The following PPP1R21 variants were observed in gnomAD, a reference collection of about 807,000 sequenced individuals.
The protein encoded by PPP1R21 is protein phosphatase 1 regulatory subunit 21.
PPP1R21 carries 85 observed loss-of-function variants against 112.8 expected under a neutral mutation model. The ratio of observed to expected loss-of-function variants is 0.75; its 90% CI spans 0.63 to 0.90. The LOEUF (loss-of-function observed/expected upper bound fraction) is 0.90, where lower values mean the gene tolerates loss of function less well. PPP1R21 is among the 40% of genes least tolerant of loss of function. PPP1R21 has a pLI of 0.00. For missense variants in PPP1R21, 1,199 were observed against 901.5 expected, an observed-to-expected ratio of 1.33 and a Z score of -4.23; for synonymous variants, 381 against 322.3, an observed-to-expected ratio of 1.18 and a Z score of -1.95.
At position 48,491,022 on chromosome 2, in the gene PPP1R21, C is replaced by T. The variant is rs780534548; in HGVS notation, c.1451C>T (p.Ala484Val). Residue 484 changes from alanine (A) to valine (V), a missense_variant, in exon 15 of 22, where the codon GCA (alanine) becomes GTA (valine). Transcript: ENST00000294952. ...TCCTTGTCATACTTTGTTTAGATTGCATCCTTCTTCAGCAACAATTTGGAC... is the reference window on the plus strand; with the variant it reads ...TCCTTGTCATACTTTGTTTAGATTGTATCCTTCTTCAGCAACAATTTGGAC... ...VALTNGAGKI[A>V]SFFSNNLDYF... 22 of 1,613,358 alleles carry T rather than the reference C, an allele frequency of 1.4e-5. No individual in the cohort carries two copies. The highest frequency in any genetic ancestry group is 1.3e-4 in the South Asian group (12 of 91,058).
chr2:48,504,356 C>G (rs930592401), intron 17 of PPP1R21, among the ~76,000 whole-genome samples: 3 of 152,098 alleles, frequency 2.0e-5, no homozygotes, highest in Admixed American at 1.3e-4. Flanking sequence ...TTAAAACTGT[C>G]TATTGACTGG....
At chr2:48,479,575 T>A (rs1210471603) in intron 12 of PPP1R21, 1 of 499,746 alleles carries the variant, frequency 2.0e-6, no homozygotes, top group African/African-American at 1.9e-5. Flanking sequence ...GTTTTAGCGA[T>A]GTTCAGCAAA....
intron 9 of PPP1R21, among the ~76,000 whole-genome samples, chr2:48,468,824 A>AT (rs1558454807): frequency 3.2e-4 from 22 of 67,722 alleles, no homozygotes; most frequent in South Asian, 6.6e-4. Flanking sequence ...CAAGAAAAAA[A>AT]ATGTATGTGT....
intron 17 of PPP1R21, among the ~76,000 whole-genome samples, chr2:48,502,995 A>C (rs1670195592): frequency 6.6e-6 from 1 of 152,204 alleles, no homozygotes; most frequent in Admixed American, 6.5e-5. Flanking sequence ...ACTTATTTCT[A>C]ACTCTGTAAC....
At chr2:48,451,281 A>G (rs1277809269) in intron 2 of PPP1R21, among the ~76,000 whole-genome samples, 1 of 152,250 alleles carries the variant, frequency 6.6e-6, no homozygotes, top group East Asian at 1.9e-4. Flanking sequence ...GCTAAAAATT[A>G]TAAAAAAAGG....
chr2:48,467,349 A>T (rs1054157294), intron 9 of PPP1R21, among the ~76,000 whole-genome samples: 2 of 152,262 alleles, frequency 1.3e-5, no homozygotes, highest in Non-Finnish European at 2.9e-5. Context: ...GATAAAATAA[A>T]TGTTGTGAGT....
chr2:48,506,944 C>CAA (rs11314362), intron 18 of PPP1R21, among the ~76,000 whole-genome samples: 14 of 96,446 alleles, frequency 1.5e-4, no homozygotes, highest in African/African-American at 4.7e-4. Flanking sequence ...GACTCTGCCT[C>CAA]AAAAAAAAAA....
intron 16 of PPP1R21, among the ~76,000 whole-genome samples, chr2:48,496,593 G>C (rs1669849457): frequency 6.6e-6 from 1 of 151,940 alleles, no homozygotes; most frequent in African/African-American, 2.4e-5. Flanking sequence ...TCAGCCTCCA[G>C]AGTCGCTGGG....
At position 48,486,801 on chromosome 2, in the gene PPP1R21, A is replaced by G. The variant is rs61605532; in HGVS notation, c.1446+43A>G. On this transcript the variant is annotated intron_variant, in intron 14 of 21. Transcript: ENST00000294952. ...TATATTGATGTTAAAACTCTTAAAT[A>G]TGTGCTTTTTTTCTGAGGGACATAG... 4,697 of 1,574,452 alleles carry G rather than the reference A, an allele frequency of 3.0e-3. 116 individuals carry two copies. The African/African-American group carries it at 0.056, about 19-fold the overall frequency.
intron 17 of PPP1R21, among the ~76,000 whole-genome samples, chr2:48,504,317 A>G (rs1002533298): frequency 1.3e-5 from 2 of 152,218 alleles, no homozygotes; most frequent in African/African-American, 2.4e-5. Flanking sequence ...GTTCAGAACA[A>G]TACTCCAGAG....
At chr2:48,488,631 C>T (rs1558493595) in intron 14 of PPP1R21, among the ~76,000 whole-genome samples, 1 of 152,070 alleles carries the variant, frequency 6.6e-6, no homozygotes, top group East Asian at 1.9e-4. Flanking sequence ...TACTTGCATA[C>T]GTCATAGTTT....
chr2:48,501,326 A>T (rs1178282945), intron 17 of PPP1R21, among the ~76,000 whole-genome samples: 1 of 152,162 alleles, frequency 6.6e-6, no homozygotes, highest in East Asian at 1.9e-4. Flanking sequence ...GCCTGTATCC[A>T]TTCCTTCCTT....
chr2:48,446,973 A>G (rs1319488530), intron 1 of PPP1R21, among the ~76,000 whole-genome samples: 1 of 151,160 alleles, frequency 6.6e-6, no homozygotes, highest in East Asian at 1.9e-4. Flanking sequence ...CTGGTTTTGA[A>G]CTCCTGACCT....
intron 9 of PPP1R21, among the ~76,000 whole-genome samples, chr2:48,468,825 A>ATATATGTG (rs1553339032): frequency 2.3e-5 from 1 of 43,906 alleles, no homozygotes. Context: ...AAGAAAAAAA[A>ATATATGTG]TGTATGTGTG....
At chr2:48,474,851 C>T in intron 12 of PPP1R21, 32 bp downstream of exon 12, 2 of 1,598,788 alleles carry the variant, frequency 1.3e-6, no homozygotes, top group Non-Finnish European at 1.7e-6. Context: ...GGGTCAACTT[C>T]AAGGACTTAA....
chr2:48,512,410 C>T (rs1670685665), intron 21 of PPP1R21, among the ~76,000 whole-genome samples: 1 of 151,794 alleles, frequency 6.6e-6, no homozygotes, highest in Non-Finnish European at 1.5e-5. Context: ...AGTATTATAC[C>T]ACCATCAGCT....
rs1174593703 is a variant in PPP1R21, at chr2:48,491,087, A to G, written c.1516A>G (p.Ser506Gly). 6.2e-7 allele frequency: 1 copy of G among 1,614,158 alleles called. No homozygotes were observed. The highest frequency in any genetic ancestry group is 8.5e-7 in the Non-Finnish European group (1 of 1,179,990). ...ASLSYGPKAASGFISPLSAEC... is the reference protein window; with the variant it reads ...ASLSYGPKAAGGFISPLSAEC... ...ACTGAGCTATGGACCTAAGGCAGCG[A>G]GTGGATTCATTAGTCCTCTTTCAGC... The change falls in exon 15 of 22, where the codon AGT becomes GGT. Residue 506 changes from serine (S) to glycine (G), a missense_variant. Coordinates refer to ENST00000294952, the MANE Select transcript of PPP1R21 (RefSeq NM_001135629.3).
intron 13 of PPP1R21, among the ~76,000 whole-genome samples, chr2:48,484,145 G>A (rs1029428594): frequency 5.9e-5 from 9 of 152,142 alleles, no homozygotes; most frequent in Admixed American, 5.2e-4. Flanking sequence ...TAAGCCCTGC[G>A]TTTGGGGGTT....
intron 17 of PPP1R21, among the ~76,000 whole-genome samples, chr2:48,502,712 G>C (rs61283909): frequency 7.7e-6 from 1 of 130,290 alleles, no homozygotes; most frequent in African/African-American, 2.9e-5. Context: ...ACGGAGTCTC[G>C]CTCTGTGGCC....
Sources: allele counts gnomAD v4.1 joint callset (sites outside exome capture counted in the v4.1 genomes callset), GRCh38; gene constraint gnomAD v4.1.1; transcripts MANE v1.5; gene names NCBI Gene and HGNC (gene_info 2026-07-23, HGNC 2026-07-21).